Variants in PTPRD observed in about 807,000 individuals in gnomAD.
PTPRD encodes receptor-type tyrosine-protein phosphatase delta.
A neutral mutation model predicts 214.5 loss-of-function variants in PTPRD; 34 were observed. That is an observed-to-expected ratio of 0.16 (90% CI 0.12 to 0.21). The LOEUF (loss-of-function observed/expected upper bound fraction) is 0.21, where lower values mean the gene tolerates loss of function less well. Among genes scored for constraint, PTPRD ranks in the 10% least tolerant of loss-of-function variants. The pLI is 1.00. For missense variants in PTPRD, 2,545 were observed against 2,398.7 expected, an observed-to-expected ratio of 1.06 and a Z score of -1.27; for synonymous variants, 1,128 against 845.7, an observed-to-expected ratio of 1.33 and a Z score of -5.79.
At chr9:8,808,548 G>C (rs1451705357) in intron 11 of PTPRD, among the ~76,000 whole-genome samples, 1 of 128,974 alleles carries the variant, frequency 7.8e-6, no homozygotes, top group Non-Finnish European at 1.5e-5. Context: ...GTACACTAAA[G>C]CCCAGAGACA....
At chr9:9,888,794 G>A (rs1238041835) in intron 5 of PTPRD, among the ~76,000 whole-genome samples, 1 of 151,976 alleles carries the variant, frequency 6.6e-6, no homozygotes. Flanking sequence ...CAACACAAAT[G>A]GACTAAGACA....
At chr9:10,440,783 G>T (rs983665710) in intron 2 of PTPRD, among the ~76,000 whole-genome samples, 8 of 151,574 alleles carry the variant, frequency 5.3e-5, no homozygotes, top group Non-Finnish European at 3.0e-5. Flanking sequence ...CAATATTAAG[G>T]TTGTAGAGGA....
At chr9:9,189,931 A>G (rs1350935796) in intron 9 of PTPRD, among the ~76,000 whole-genome samples, 2 of 152,014 alleles carry the variant, frequency 1.3e-5, no homozygotes, top group Non-Finnish European at 2.9e-5. Context: ...GAGCAGAAGT[A>G]TCACATGTCA....
In PTPRD at chr9:8,527,348, T is replaced by C. The variant is rs768702119; in HGVS notation, c.547A>G (p.Ile183Val). 5 of 1,607,220 alleles carry C rather than the reference T, an allele frequency of 3.1e-6. No individual in the cohort carries two copies. Among genetic ancestry groups the C allele is most frequent in the African/African-American group, 1.3e-5 (1 of 74,726 alleles). ...GRIKQLRSES[I>V]GGTPIRGALQ... is the part of the protein sequence containing the mutation. ...CGCTTCAGAACTAAGCACTTACCAATAGATTCTGGAGATTTAAATACGGAG... is the reference window on the plus strand; with the variant it reads ...CGCTTCAGAACTAAGCACTTACCAACAGATTCTGGAGATTTAAATACGGAG... Residue 183 changes from isoleucine to valine, a missense_variant, in exon 16 of 46, where the codon ATT becomes GTT. Transcript: ENST00000381196.
At position 9,282,170 on chromosome 9, in the gene PTPRD, T is replaced by C. The variant is rs144055585; in HGVS notation, c.-202-98807A>G. On this transcript the variant is annotated intron_variant, in intron 9 of 45. Transcript: ENST00000381196. ...GAAACTACCCTATATGAGACTGTAA[T>C]GGTGGACACATGCCATTATACATTT... 4.7e-4 allele frequency among the ~76,000 whole-genome samples: 71 copies of C among 151,398 alleles called. No homozygotes were observed. The East Asian group carries it at 0.013, about 28-fold the overall frequency.
At chr9:9,317,420 C>G (rs979265756) in intron 9 of PTPRD, among the ~76,000 whole-genome samples, 3 of 152,132 alleles carry the variant, frequency 2.0e-5, no homozygotes, top group Non-Finnish European at 4.4e-5. Flanking sequence ...TTTTCCTTCT[C>G]AATTTTCTAT....
At chr9:9,696,248 T>A (rs1242828444) in intron 7 of PTPRD, among the ~76,000 whole-genome samples, 1 of 152,188 alleles carries the variant, frequency 6.6e-6, no homozygotes, top group African/African-American at 2.4e-5. Flanking sequence ...GAATGTTTCA[T>A]ACGTTTATAA....
intron 9 of PTPRD, among the ~76,000 whole-genome samples, chr9:9,360,659 AAATT>A (rs2055755240): frequency 1.3e-5 from 2 of 151,324 alleles, no homozygotes; most frequent in South Asian, 4.1e-4. Context: ...CATGGTATCA[AAATT>A]AATATGTAAA....
chr9:9,704,188 A>G (rs1203764417), intron 7 of PTPRD, among the ~76,000 whole-genome samples: 3 of 152,190 alleles, frequency 2.0e-5, no homozygotes, highest in Non-Finnish European at 4.4e-5. Flanking sequence ...ACTCAAGTAC[A>G]GCACATCTAC....
At chr9:9,548,271 C>T (rs926521730) in intron 8 of PTPRD, among the ~76,000 whole-genome samples, 1 of 151,014 alleles carries the variant, frequency 6.6e-6, no homozygotes, top group Non-Finnish European at 1.5e-5. Context: ...AGACCTAAAC[C>T]CAAATTTATT....
At chr9:9,005,606 G>C (rs1274462960) in intron 11 of PTPRD, among the ~76,000 whole-genome samples, 1 of 152,004 alleles carries the variant, frequency 6.6e-6, no homozygotes, top group African/African-American at 2.4e-5. Flanking sequence ...AAAAACCTAA[G>C]TATAAGAAGA....
At chr9:9,042,006 T>G (rs1444635974) in intron 10 of PTPRD, among the ~76,000 whole-genome samples, 1 of 152,188 alleles carries the variant, frequency 6.6e-6, no homozygotes, top group African/African-American at 2.4e-5. Flanking sequence ...ATAAATCCAA[T>G]TCATTCTGGC....
intron 10 of PTPRD, among the ~76,000 whole-genome samples, chr9:9,038,798 C>G (rs1037116253): frequency 6.6e-6 from 1 of 152,016 alleles, no homozygotes; most frequent in Non-Finnish European, 1.5e-5. Context: ...CTCAAGTGAT[C>G]AGTCCGCCTC....
intron 2 of PTPRD, among the ~76,000 whole-genome samples, chr9:10,469,041 A>C (rs1418940084): frequency 6.6e-6 from 1 of 152,138 alleles, no homozygotes; most frequent in Non-Finnish European, 1.5e-5. Context: ...TTAATGCTGA[A>C]ATTAAAAATT....
intron 9 of PTPRD, among the ~76,000 whole-genome samples, chr9:9,380,760 T>G (rs1410866942): frequency 6.6e-6 from 1 of 152,158 alleles, no homozygotes. Flanking sequence ...CGTGTCTGAC[T>G]ATTTCTGATA....
intron 10 of PTPRD, among the ~76,000 whole-genome samples, chr9:9,162,175 C>T (rs139761559): frequency 5.8e-4 from 88 of 152,214 alleles, no homozygotes; most frequent in Non-Finnish European, 1.1e-3. Context: ...GCATGCACCA[C>T]GGTTGCTAAA....
At chr9:9,279,776 C>G (rs1430643402) in intron 9 of PTPRD, among the ~76,000 whole-genome samples, 1 of 151,100 alleles carries the variant, frequency 6.6e-6, no homozygotes, top group Non-Finnish European at 1.5e-5. Context: ...CAATATTACT[C>G]TCCTCAAACT....
chr9:9,357,915 C>G (rs1596324562), intron 9 of PTPRD, among the ~76,000 whole-genome samples: 1 of 151,066 alleles, frequency 6.6e-6, no homozygotes, highest in Non-Finnish European at 1.5e-5. Flanking sequence ...TCTCTATTTC[C>G]TTTTACATTT....
chr9:9,036,379 A>G (rs2099621920), intron 10 of PTPRD, among the ~76,000 whole-genome samples: 1 of 152,142 alleles, frequency 6.6e-6, no homozygotes, highest in Non-Finnish European at 1.5e-5. Context: ...AAAGGAAGTG[A>G]TTGTTAAAAA....
Sources: gnomAD v4.1 joint callset for allele counts (sites outside exome capture counted in the v4.1 genomes callset) on GRCh38, gnomAD v4.1.1 for gene constraint, MANE v1.5 for transcripts, NCBI Gene and HGNC (gene_info 2026-07-23, HGNC 2026-07-21) for gene names.